PPP2R2B: variants seen among roughly 807,000 people sequenced by gnomAD.
PPP2R2B encodes the protein protein phosphatase 2 regulatory subunit Bbeta.
A neutral mutation model predicts 46.0 loss-of-function variants in PPP2R2B; 5 were observed. That is an observed-to-expected ratio of 0.11 (90% CI 0.06 to 0.23). PPP2R2B has a LOEUF of 0.23. Ranked by LOEUF, PPP2R2B falls within the 10% of genes least tolerant of loss-of-function variation. The probability of loss-of-function intolerance (pLI) is 1.00; values close to 1 mark genes in which losing one functional copy is unlikely to be tolerated. For synonymous variants in PPP2R2B, 215 were observed against 206.7 expected (o/e 1.04, Z -0.34); for missense variants, 367 against 575.0 (o/e 0.64, Z 3.70).
intron 5 of PPP2R2B, among the ~76,000 whole-genome samples, chr5:146,686,785 A>G (rs962327560): frequency 6.6e-6 from 1 of 152,136 alleles, no homozygotes; most frequent in African/African-American, 2.4e-5. Flanking sequence ...TGCAGGGAGA[A>G]GTATGCTAAG....
chr5:147,051,391 A>G (rs1297388638), intron 1 of PPP2R2B, among the ~76,000 whole-genome samples: 1 of 152,176 alleles, frequency 6.6e-6, no homozygotes. Flanking sequence ...CACAGGGTTC[A>G]TGGTGCTGAA....
chr5:146,999,503 G>A (rs1336058472), intron 1 of PPP2R2B, among the ~76,000 whole-genome samples: 1 of 152,146 alleles, frequency 6.6e-6, no homozygotes, highest in Non-Finnish European at 1.5e-5. Context: ...ATGAGATCTG[G>A]GTATTGGTCT....
At chr5:146,851,806 A>C (rs1420510673) in intron 2 of PPP2R2B, among the ~76,000 whole-genome samples, 1 of 151,824 alleles carries the variant, frequency 6.6e-6, no homozygotes, top group African/African-American at 2.4e-5. Context: ...CAGCTGTTTC[A>C]TTTCAAGAGA....
At chr5:146,990,145 G>A (rs567004395) in intron 1 of PPP2R2B, among the ~76,000 whole-genome samples, 1 of 150,730 alleles carries the variant, frequency 6.6e-6, no homozygotes, top group South Asian at 2.1e-4. Flanking sequence ...TTGTTAAAAT[G>A]TCCATATTAT....
At chr5:146,602,929 A>G (rs1340078479) in intron 7 of PPP2R2B, among the ~76,000 whole-genome samples, 1 of 152,206 alleles carries the variant, frequency 6.6e-6, no homozygotes, top group Non-Finnish European at 1.5e-5. Flanking sequence ...ATTAGTTTCA[A>G]CTAACAGCTA....
intron 5 of PPP2R2B, among the ~76,000 whole-genome samples, chr5:146,682,277 G>C (rs1217338200): frequency 1.3e-5 from 2 of 152,190 alleles, no homozygotes; most frequent in Non-Finnish European, 2.9e-5. Context: ...GTCTCTAGAT[G>C]TAATACTACT....
Position 146,589,708 on chromosome 5 carries a change from G to GAATT in PPP2R2B, c.*235_*238dup. 1 of 496,414 alleles carries GAATT rather than the reference G, an allele frequency of 2.0e-6. No homozygotes were observed. Among genetic ancestry groups the GAATT allele is most frequent in the African/African-American group, 1.9e-5 (1 of 52,104 alleles). 30.8% of individuals were successfully genotyped at this position (496,414 alleles called of 1,614,324 possible). On this transcript the variant is annotated 3_prime_UTR_variant, in exon 10 of 10. Transcript: ENST00000394411. ...TCAGAAGTTCAAGTCAACTATGGAA[G>GAATT]AATTACTGTTAGCTGGCAGCTTTCA...
intron 2 of PPP2R2B, among the ~76,000 whole-genome samples, chr5:146,756,292 A>G (rs1198386465): frequency 6.6e-6 from 1 of 152,300 alleles, no homozygotes; most frequent in African/African-American, 2.4e-5. Flanking sequence ...GGGGCTCTTA[A>G]TTATCCTTTC....
At chr5:146,911,052 C>T (rs1763159828) in intron 1 of PPP2R2B, among the ~76,000 whole-genome samples, 1 of 151,150 alleles carries the variant, frequency 6.6e-6, no homozygotes, top group Admixed American at 6.6e-5. Context: ...TCATCATTTC[C>T]TTAGGGCCCA....
intron 1 of PPP2R2B, among the ~76,000 whole-genome samples, chr5:146,906,418 G>A (rs1208739783): frequency 4.6e-5 from 7 of 152,080 alleles, no homozygotes; most frequent in Non-Finnish European, 7.3e-5. Context: ...TGCCTCCTGG[G>A]TTCAAGTGAT....
At chr5:147,065,352 G>A (rs1312111202) in intron 2 of PPP2R2B, among the ~76,000 whole-genome samples, 1 of 152,152 alleles carries the variant, frequency 6.6e-6, no homozygotes, top group African/African-American at 2.4e-5. Context: ...GACAGTATGT[G>A]TGTAGTGCTG....
At position 146,958,843 on chromosome 5, in the gene PPP2R2B, T is replaced by TTAA. The variant is rs540056844; in HGVS notation, c.79+96819_79+96821dup. On this transcript the variant is annotated intron_variant, in intron 1 of 8. Transcript: ENST00000336640. The stretch of plus-strand genomic sequence containing the variant: ...TAGCTCTTTGTATGTATTAACCAAT[T>TTAA]TAAACCTCACAACAAACTTATGCAA... Among the ~76,000 whole-genome samples, 213 of 152,294 alleles carry TTAA rather than the reference T, an allele frequency of 1.4e-3. 1 individual carries two copies. Among genetic ancestry groups the TTAA allele is most frequent in the Admixed American group, 5.1e-3 (78 of 15,294 alleles).
chr5:146,852,646 T>C (rs187730743), intron 2 of PPP2R2B, among the ~76,000 whole-genome samples: 1 of 152,280 alleles, frequency 6.6e-6, no homozygotes, highest in Non-Finnish European at 1.5e-5. Context: ...CAAAAGATTG[T>C]GTGACCACCT....
intron 1 of PPP2R2B, among the ~76,000 whole-genome samples, chr5:146,969,207 A>G (rs959501166): frequency 6.6e-6 from 1 of 152,200 alleles, no homozygotes; most frequent in Admixed American, 6.5e-5. Flanking sequence ...GCTTTCTGAG[A>G]CAAAAATATC....
chr5:146,968,440 T>C (rs931265240), intron 1 of PPP2R2B, among the ~76,000 whole-genome samples: 4 of 152,184 alleles, frequency 2.6e-5, no homozygotes, highest in Non-Finnish European at 4.4e-5. Context: ...TGGTAAGTGA[T>C]GGCCAACTGG....
At chr5:147,060,765 T>A (rs1369083884), upstream of PPP2R2B, among the ~76,000 whole-genome samples, 2 of 152,224 alleles carry the variant, frequency 1.3e-5, no homozygotes, top group Non-Finnish European at 2.9e-5. Context: ...GGTAATCCAA[T>A]AAAGTGCTTA....
At chr5:147,059,990 T>G (rs900752762), upstream of PPP2R2B, among the ~76,000 whole-genome samples, 1 of 152,154 alleles carries the variant, frequency 6.6e-6, no homozygotes, top group African/African-American at 2.4e-5. Context: ...TGGGGGAAGT[T>G]TCATCCTCAC....
chr5:146,798,071 C>T (rs998241017), intron 2 of PPP2R2B, among the ~76,000 whole-genome samples: 1 of 152,122 alleles, frequency 6.6e-6, no homozygotes, highest in African/African-American at 2.4e-5. Flanking sequence ...TAGTCTCCTC[C>T]TCAGGAGCTT....
rs191002209 is a variant in PPP2R2B at position 146,742,686 on chromosome 5, A to T, written c.71-41544T>A. On this transcript the variant is annotated intron_variant, in intron 2 of 9. Coordinates refer to ENST00000394411, the MANE Select transcript of PPP2R2B (RefSeq NM_181675.4). ...GTTGAATTGTGCCCTCCCAAAATTT[A>T]TATGAAGTTTTAACCCCCAATATCT... 7.5e-4 allele frequency among the ~76,000 whole-genome samples: 114 copies of T among 152,322 alleles called. No homozygotes were observed. The East Asian group carries it at 0.012, about 16-fold the overall frequency.
Sources: gnomAD v4.1 joint callset for allele counts (sites outside exome capture counted in the v4.1 genomes callset) on GRCh38, gnomAD v4.1.1 for gene constraint, MANE v1.5 for transcripts, NCBI Gene and HGNC (gene_info 2026-07-23, HGNC 2026-07-21) for gene names.